The following RAB6A variants were observed in gnomAD, a reference collection of about 807,000 sequenced individuals.
RAB6A encodes the protein ras-related protein Rab-6A.
In RAB6A, 8 loss-of-function variants were observed where a neutral mutation model predicts 32.3. The observed-to-expected ratio is 0.25, with a 90% CI of 0.15 to 0.45. The LOEUF is 0.45. Ranked by LOEUF, RAB6A falls within the 20% of genes least tolerant of loss-of-function variation. RAB6A has a pLI of 1.00. For missense variants in RAB6A, 104 were observed against 249.4 expected (o/e 0.42, Z 3.93); for synonymous variants, 73 against 82.1 (o/e 0.89, Z 0.60).
At chr11:73,703,765 C>T (rs1294859135) in intron 6 of RAB6A, among the ~76,000 whole-genome samples, 1 of 148,702 alleles carries the variant, frequency 6.7e-6, no homozygotes, top group Admixed American at 6.7e-5. Flanking sequence ...AAAACAAAAA[C>T]AATCTAAATT....
At chr11:73,756,341 T>C (rs1260355225) in intron 1 of RAB6A, among the ~76,000 whole-genome samples, 1 of 151,970 alleles carries the variant, frequency 6.6e-6, no homozygotes, top group African/African-American at 2.4e-5. Context: ...GTGACAGAGG[T>C]AGACCCCGTC....
intron 3 of RAB6A, among the ~76,000 whole-genome samples, chr11:73,720,008 T>A (rs1002905167): frequency 6.6e-6 from 1 of 151,512 alleles, no homozygotes; most frequent in African/African-American, 2.4e-5. Flanking sequence ...ACACTGGAAA[T>A]TAAATAATGT....
At chr11:73,718,793 T>C in intron 3 of RAB6A, 75 bp from the exon 4 acceptor site, 1 of 1,614,086 alleles carries the variant, frequency 6.2e-7, no homozygotes, top group Non-Finnish European at 8.5e-7. Context: ...ACTTGTGATA[T>C]CGTAAACTAC....
rs776477539 is a variant in RAB6A, at chr11:73,716,352, T to A, written c.300A>T (p.Ser100=). The A allele has an allele frequency of 8.7e-6, 14 of 1,610,208 alleles. No homozygotes were observed. The highest frequency in any genetic ancestry group is 1.6e-4 in the Middle Eastern group (1 of 6,070). ...CAATCCACTTTGTAGTTTGCTGGAATGAGTTAACATCTAGTATAGGAGGGT... is the reference window on the plus strand; with the variant it reads ...CAATCCACTTTGTAGTTTGCTGGAAAGAGTTAACATCTAGTATAGGAGGGT... ...VVVYDITNVN[S]FQQTTKWIDD... is the part of the protein sequence containing the mutation. Residue 100 remains serine (S), a synonymous_variant, in exon 5 of 8, where the codon TCA becomes TCT. Coordinates refer to ENST00000336083, the MANE Select transcript of RAB6A (RefSeq NM_198896.2).
At chr11:73,737,994 C>CA (rs57456237) in intron 1 of RAB6A, among the ~76,000 whole-genome samples, 78,182 of 99,574 alleles carry the variant, frequency 0.79, 30,697 homozygotes, top group Admixed American at 0.84. Context: ...GACTCCATCT[C>CA]AAAAAAAAAA....
At chr11:73,722,684 T>C (rs548161507) in intron 2 of RAB6A, 1 of 152,090 alleles carries the variant, frequency 6.6e-6, no homozygotes, top group South Asian at 2.1e-4. Flanking sequence ...GATAAGTCTT[T>C]ACATGTTTTT....
rs1375001723 is a variant in RAB6A, at chr11:73,675,686, T to C, written c.*2212A>G. The C allele has an allele frequency of 6.4e-6, 1 of 155,636 alleles. No homozygotes were observed. The highest frequency in any genetic ancestry group is 1.5e-5 in the Non-Finnish European group (1 of 68,040). The allele number at this position is 155,636 out of a possible 1,614,324, so 9.6% of individuals were successfully genotyped here. On this transcript the variant is annotated 3_prime_UTR_variant, in exon 8 of 8. Transcript: ENST00000336083. ...ATATATTTTTGGCAGCAAAATTGTG[T>C]TTATTAAAAAAAAAACCTGGACTAT... is the stretch of plus-strand genomic sequence containing the variant.
At chr11:73,737,525 A>G (rs1946418939) in intron 1 of RAB6A, among the ~76,000 whole-genome samples, 1 of 152,150 alleles carries the variant, frequency 6.6e-6, no homozygotes, top group Non-Finnish European at 1.5e-5. Flanking sequence ...TGAAATCATT[A>G]TAACATATGG....
At chr11:73,725,878 C>T (rs1040224319) in intron 2 of RAB6A, among the ~76,000 whole-genome samples, 2 of 152,150 alleles carry the variant, frequency 1.3e-5, no homozygotes, top group African/African-American at 4.8e-5. Flanking sequence ...AAGGGCCAGG[C>T]GCGGTGGCTC....
At chr11:73,754,764 C>CAA (rs1179470556) in intron 1 of RAB6A, among the ~76,000 whole-genome samples, 1 of 151,740 alleles carries the variant, frequency 6.6e-6, no homozygotes, top group Non-Finnish European at 1.5e-5. Flanking sequence ...ACTAAAAAGT[C>CAA]AAAAAATTAG....
Position 73,718,757 on chromosome 11 carries a change from A to C in RAB6A, c.184-39T>G, listed in dbSNP as rs375895646. On this transcript the variant is annotated intron_variant, in intron 3 of 7. Coordinates refer to ENST00000336083, the MANE Select transcript of RAB6A (RefSeq NM_198896.2). ...CAGTCAAACAAGCAAGAAAAATAAG[A>C]AAGGTCAACCCGTTGCAATATACCT... The C allele has an allele frequency of 5.6e-6, 9 of 1,613,870 alleles. No homozygotes were observed. The African/African-American group carries it at 1.2e-4, about 22-fold the overall frequency.
intron 1 of RAB6A, among the ~76,000 whole-genome samples, chr11:73,745,877 G>A (rs550381835): frequency 6.6e-6 from 1 of 152,066 alleles, no homozygotes; most frequent in Admixed American, 6.6e-5. Context: ...GCACGCATCT[G>A]TAGTCCCAGC....
intron 6 of RAB6A, among the ~76,000 whole-genome samples, chr11:73,683,238 G>A (rs554402994): frequency 6.9e-6 from 1 of 145,178 alleles, no homozygotes; most frequent in East Asian, 2.1e-4. Context: ...GCATAATAAC[G>A]ATATAGACCC....
In RAB6A at chr11:73,760,929, T is replaced by G; in HGVS notation, c.-294A>C. 8.8e-6 allele frequency: 3 copies of G among 341,386 alleles called. No individual in the cohort carries two copies. Among genetic ancestry groups the G allele is most frequent in the Admixed American group, 4.9e-5 (1 of 20,612 alleles). 21.1% of individuals were successfully genotyped at this position (341,386 alleles called of 1,614,324 possible). On this transcript the variant is annotated 5_prime_UTR_variant, in exon 1 of 8. Coordinates refer to ENST00000336083, the MANE Select transcript of RAB6A (RefSeq NM_198896.2). ...CTCTGGCTTCCCAAAGCTAGGGCCG[T>G]TCCCTCCTTCCGCACTCGGCTCCCA...
rs1364019434 is a variant in RAB6A, at chr11:73,679,714, G to A, written c.502C>T (p.Arg168Ter). ...KAGYNVKQLF[R>*]RVAAALPGME... ...CCCGGCAAAGCTGCTGCTACACGTCGAAAGAGCTGTGGGAAAGAGAGAAAA... is the reference window on the plus strand; with the variant it reads ...CCCGGCAAAGCTGCTGCTACACGTCAAAAGAGCTGTGGGAAAGAGAGAAAA... The change falls in exon 7 of 8, where the codon CGA (arginine) becomes TGA (stop). Residue 168 changes from arginine to a stop codon, truncating the protein, a stop_gained. Coordinates refer to ENST00000336083, the MANE Select transcript of RAB6A (RefSeq NM_198896.2). LOFTEE classifies it high-confidence loss of function. 3 of 1,585,008 alleles carry A rather than the reference G, an allele frequency of 1.9e-6. No individual in the cohort carries two copies. The highest frequency in any genetic ancestry group is 2.3e-5 in the East Asian group (1 of 43,446).
At chr11:73,711,356 T>C (rs1945955155) in intron 5 of RAB6A, among the ~76,000 whole-genome samples, 1 of 152,214 alleles carries the variant, frequency 6.6e-6, no homozygotes, top group South Asian at 2.1e-4. Flanking sequence ...AACTGTACCA[T>C]ATGTTACATA....
chr11:73,683,259 T>A (rs1009362263), intron 6 of RAB6A, among the ~76,000 whole-genome samples: 2 of 147,972 alleles, frequency 1.4e-5, no homozygotes, highest in African/African-American at 5.0e-5. Flanking sequence ...ATCTTTTTTT[T>A]TTTTTTTTTT....
chr11:73,718,457 C>A (rs1179332865), intron 4 of RAB6A, among the ~76,000 whole-genome samples, 156 bp downstream of exon 4: 1 of 152,072 alleles, frequency 6.6e-6, no homozygotes, highest in South Asian at 2.1e-4. Context: ...GGTATAAACA[C>A]CAAAGCAAAT....
chr11:73,713,469 G>A (rs1169851779), intron 5 of RAB6A, among the ~76,000 whole-genome samples: 1 of 151,962 alleles, frequency 6.6e-6, no homozygotes, highest in African/African-American at 2.4e-5. Flanking sequence ...TCAGGAGGCT[G>A]AGGCAGGAGA....
Sources: allele counts gnomAD v4.1 joint callset (sites outside exome capture counted in the v4.1 genomes callset), GRCh38; gene constraint gnomAD v4.1.1; transcripts MANE v1.5; gene names NCBI Gene and HGNC (gene_info 2026-07-23, HGNC 2026-07-21).